The following TNR variants were observed in gnomAD, a reference collection of about 807,000 sequenced individuals.
TNR encodes tenascin-R.
In TNR, 45 loss-of-function variants were observed where a neutral mutation model predicts 150.4. The ratio of observed to expected loss-of-function variants is 0.30; its 90% confidence interval spans 0.24 to 0.38. The LOEUF (loss-of-function observed/expected upper bound fraction) is 0.38, where lower values mean the gene tolerates loss of function less well. TNR is among the 10% of genes least tolerant of loss of function. TNR has a pLI of 1.00. For synonymous variants in TNR, 687 were observed against 678.4 expected, an observed-to-expected ratio of 1.01 and a Z score of -0.20; for missense variants, 1,544 against 1,759.1, an observed-to-expected ratio of 0.88 and a Z score of 2.19.
intron 1 of TNR, among the ~76,000 whole-genome samples, chr1:175,634,620 C>A (rs1040800401): frequency 1.4e-4 from 22 of 152,090 alleles, no homozygotes; most frequent in Non-Finnish European, 2.6e-4. Context: ...GACTCATGGG[C>A]TTGAAATATT....
chr1:175,542,821 C>T (rs1660555950), intron 1 of TNR, among the ~76,000 whole-genome samples: 1 of 152,076 alleles, frequency 6.6e-6, no homozygotes, highest in Non-Finnish European at 1.5e-5. Context: ...AAACTTATTC[C>T]ACTAAATTCT....
Position 175,514,796 on chromosome 1 carries a change from C to T in TNR, c.-64+13473G>A, listed in dbSNP as rs1004268722. On this transcript the variant is annotated intron_variant, in intron 2 of 22. Coordinates refer to ENST00000367674, the MANE Select transcript of TNR (RefSeq NM_003285.3). ...GAAGCACAGCATGATAAATGCCAGG[C>T]GACCACAGCTCTGTGAAAACCAAAT... is the stretch of plus-strand genomic sequence containing the variant. Among the ~76,000 whole-genome samples the T allele has an allele frequency of 3.9e-5, 6 of 152,284 alleles. 1 individual carries two copies. Among genetic ancestry groups the T allele is most frequent in the South Asian group, 4.1e-4 (2 of 4,830 alleles).
rs895674234 is a variant in TNR at position 175,640,730 on chromosome 1, C to T, written c.-165+102496G>A. ...GTACCTGGGCTAAGTATTAGTTGTT[C>T]ACCCATTTCATCTGATCAATAACCT... On this transcript the variant is annotated intron_variant, in intron 1 of 22. Coordinates refer to ENST00000367674, the MANE Select transcript of TNR (RefSeq NM_003285.3). Among the ~76,000 whole-genome samples, 8 of 151,526 alleles carry T rather than the reference C, an allele frequency of 5.3e-5. 1 individual carries two copies. Among genetic ancestry groups the T allele is most frequent in the African/African-American group, 2.0e-4 (8 of 40,954 alleles).
intron 2 of TNR, among the ~76,000 whole-genome samples, chr1:175,499,766 A>G (rs1658650636): frequency 6.6e-6 from 1 of 152,186 alleles, no homozygotes; most frequent in Non-Finnish European, 1.5e-5. Context: ...GGTTAGAGTG[A>G]AAGGAGAACC....
At chr1:175,563,722 C>T (rs16848639) in intron 1 of TNR, among the ~76,000 whole-genome samples, 7,030 of 152,258 alleles carry the variant, frequency 0.046, 552 homozygotes, top group African/African-American at 0.16. Flanking sequence ...GCTGGGAAAA[C>T]GCATCGCTAT....
At chr1:175,608,805 C>G (rs573394409) in intron 1 of TNR, among the ~76,000 whole-genome samples, 1 of 152,304 alleles carries the variant, frequency 6.6e-6, no homozygotes, top group East Asian at 1.9e-4. Context: ...CAAAGTAAAA[C>G]AGCAAGACAC....
intron 1 of TNR, among the ~76,000 whole-genome samples, chr1:175,723,159 T>C (rs1024700105): frequency 4.6e-5 from 7 of 152,206 alleles, no homozygotes; most frequent in African/African-American, 1.4e-4. Flanking sequence ...AAGAGATACA[T>C]AGAAAGATGC....
At chr1:175,460,369 G>A (rs962479760) in intron 2 of TNR, among the ~76,000 whole-genome samples, 2 of 151,878 alleles carry the variant, frequency 1.3e-5, no homozygotes, top group Non-Finnish European at 2.9e-5. Context: ...AGACATGCAC[G>A]CAAGGCCACA....
intron 1 of TNR, among the ~76,000 whole-genome samples, chr1:175,731,971 C>T (rs1047616962): frequency 2.0e-5 from 3 of 152,172 alleles, no homozygotes; most frequent in African/African-American, 7.2e-5. Context: ...CTGAACATTC[C>T]ACCTGCTTCT....
chr1:175,561,441 C>T (rs370673646), intron 1 of TNR, among the ~76,000 whole-genome samples: 1 of 152,202 alleles, frequency 6.6e-6, no homozygotes, highest in South Asian at 2.1e-4. Flanking sequence ...TTTCTTCCTC[C>T]TTTCTTCTGT....
intron 1 of TNR, among the ~76,000 whole-genome samples, chr1:175,742,151 A>G (rs142704835): frequency 1.2e-4 from 18 of 152,318 alleles, no homozygotes; most frequent in African/African-American, 3.6e-4. Context: ...GATGCAGGGA[A>G]TTGACTGAAC....
intron 2 of TNR, among the ~76,000 whole-genome samples, chr1:175,510,212 G>C (rs758516379): frequency 6.6e-6 from 1 of 152,180 alleles, no homozygotes; most frequent in African/African-American, 2.4e-5. Context: ...CCGGATGACA[G>C]AGCAAGACCC....
chr1:175,693,728 G>A lies in TNR; in HGVS notation c.-165+49498C>T, dbSNP rs74129307. On this transcript the variant is annotated intron_variant, in intron 1 of 22. Coordinates refer to ENST00000367674, the MANE Select transcript of TNR (RefSeq NM_003285.3). ...TCTACAGCCCCAACACCCTGAATGC[G>A]CCCAATCTCATCTGATTTGATCTCA... Among the ~76,000 whole-genome samples, 975 of 152,256 alleles carry A rather than the reference G, an allele frequency of 6.4e-3. 14 individuals are homozygous for A. Among genetic ancestry groups the A allele is most frequent in the African/African-American group, 0.022 (924 of 41,550 alleles).
intron 1 of TNR, among the ~76,000 whole-genome samples, chr1:175,548,043 T>C (rs1413194779): frequency 2.0e-5 from 3 of 152,148 alleles, no homozygotes; most frequent in Admixed American, 2.0e-4. Flanking sequence ...CAAAGAGACC[T>C]GGTGGGGAGC....
intron 2 of TNR, among the ~76,000 whole-genome samples, chr1:175,417,867 A>G (rs1654569347): frequency 1.3e-5 from 2 of 152,194 alleles, no homozygotes; most frequent in Admixed American, 6.5e-5. Context: ...GCTTTCATAT[A>G]TTGGATAGCC....
chr1:175,673,624 G>A (rs73035407), intron 1 of TNR, among the ~76,000 whole-genome samples: 1,917 of 152,342 alleles, frequency 0.013, 45 homozygotes, highest in African/African-American at 0.043. Context: ...CTGAGGATGT[G>A]CGGATGAATG....
At chr1:175,644,260 G>C (rs1243241767) in intron 1 of TNR, among the ~76,000 whole-genome samples, 1 of 152,214 alleles carries the variant, frequency 6.6e-6, no homozygotes, top group African/African-American at 2.4e-5. Flanking sequence ...AATGCAGGCT[G>C]TTTAGCTCTG....
At chr1:175,494,875 T>C (rs1658415973) in intron 2 of TNR, among the ~76,000 whole-genome samples, 1 of 152,172 alleles carries the variant, frequency 6.6e-6, no homozygotes, top group African/African-American at 2.4e-5. Flanking sequence ...TCTTAGTGTC[T>C]AAAACAATTC....
intron 2 of TNR, among the ~76,000 whole-genome samples, chr1:175,512,255 G>T (rs777451011): frequency 8.5e-5 from 13 of 152,286 alleles, no homozygotes; most frequent in Non-Finnish European, 1.5e-4. Flanking sequence ...TTTCAAGTAG[G>T]CAGGAGAGGC....
Sources: gnomAD v4.1 joint callset for allele counts (sites outside exome capture counted in the v4.1 genomes callset) on GRCh38, gnomAD v4.1.1 for gene constraint, MANE v1.5 for transcripts, NCBI Gene and HGNC (gene_info 2026-07-23, HGNC 2026-07-21) for gene names.